Variants in LSAMP observed in about 807,000 individuals in gnomAD.
The protein encoded by LSAMP is limbic system-associated membrane protein.
LSAMP carries 7 observed loss-of-function variants against 38.6 expected under a neutral mutation model. That is an observed-to-expected ratio of 0.18 (90% CI 0.10 to 0.34). The LOEUF is 0.34. Ranked by LOEUF, LSAMP falls within the 10% of genes least tolerant of loss-of-function variation. The pLI is 1.00. For missense variants in LSAMP, 313 were observed against 420.0 expected, an observed-to-expected ratio of 0.75 and a Z score of 2.23; for synonymous variants, 154 against 166.8, an observed-to-expected ratio of 0.92 and a Z score of 0.59.
At chr3:116,311,974 G>A (rs902101219) in intron 1 of LSAMP, among the ~76,000 whole-genome samples, 4 of 152,142 alleles carry the variant, frequency 2.6e-5, no homozygotes, top group Non-Finnish European at 5.9e-5. Flanking sequence ...AGAAAATAGT[G>A]ACAAGTCAAT....
intron 3 of LSAMP, among the ~76,000 whole-genome samples, chr3:115,964,660 A>AT (rs1938739473): frequency 6.6e-6 from 1 of 152,150 alleles, no homozygotes; most frequent in African/African-American, 2.4e-5. Flanking sequence ...AATTCCATAC[A>AT]TTTTTGGGAT....
At chr3:116,413,876 T>C (rs1298743312) in intron 1 of LSAMP, among the ~76,000 whole-genome samples, 1 of 148,114 alleles carries the variant, frequency 6.8e-6, no homozygotes, top group Non-Finnish European at 1.5e-5. Flanking sequence ...TTGAAAACAG[T>C]CACCTGGTAG....
chr3:116,033,084 T>C (rs1940965018), intron 2 of LSAMP, among the ~76,000 whole-genome samples: 1 of 152,202 alleles, frequency 6.6e-6, no homozygotes, highest in Non-Finnish European at 1.5e-5. Flanking sequence ...TTTTTCTAAA[T>C]AATGGTGATA....
chr3:116,204,048 C>T (rs1160022383), intron 1 of LSAMP, among the ~76,000 whole-genome samples: 3 of 151,572 alleles, frequency 2.0e-5, no homozygotes, highest in Non-Finnish European at 4.4e-5. Context: ...TTCTCCACAT[C>T]CTCTCCACCA....
chr3:115,811,540 C>T (rs1307551520), intron 6 of LSAMP, among the ~76,000 whole-genome samples: 4 of 149,822 alleles, frequency 2.7e-5, no homozygotes, highest in South Asian at 2.1e-4. Flanking sequence ...TTTGAGAGTG[C>T]GTATGCAGAT....
intron 1 of LSAMP, among the ~76,000 whole-genome samples, chr3:116,273,813 T>TCTC (rs1366882405): frequency 0.01 from 1,411 of 136,790 alleles, 16 homozygotes; most frequent in Non-Finnish European, 0.013. Flanking sequence ...TTTTCTTTCT[T>TCTC]TCTCTCTCTC....
chr3:116,105,863 G>T (rs1224741741), intron 1 of LSAMP, among the ~76,000 whole-genome samples: 2 of 151,992 alleles, frequency 1.3e-5, no homozygotes, highest in East Asian at 3.9e-4. Flanking sequence ...AAAAATTTTT[G>T]GGGGGTGGTA....
intron 6 of LSAMP, among the ~76,000 whole-genome samples, chr3:115,825,436 A>T (rs1416198280): frequency 6.6e-6 from 1 of 152,216 alleles, no homozygotes; most frequent in Non-Finnish European, 1.5e-5. Context: ...GAAAATACTG[A>T]TGGCTCCTTA....
At chr3:115,910,120 T>G (rs1368701156) in intron 3 of LSAMP, among the ~76,000 whole-genome samples, 1 of 152,170 alleles carries the variant, frequency 6.6e-6, no homozygotes, top group African/African-American at 2.4e-5. Flanking sequence ...TATTCCCAGT[T>G]TAAAGTGGAA....
chr3:116,224,450 T>G (rs1403060302), intron 1 of LSAMP, among the ~76,000 whole-genome samples: 1 of 152,194 alleles, frequency 6.6e-6, no homozygotes, highest in Non-Finnish European at 1.5e-5. Context: ...TTCAACTCAC[T>G]GGCAGATTGC....
chr3:116,310,253 T>C (rs1194877709), intron 1 of LSAMP, among the ~76,000 whole-genome samples: 1 of 152,132 alleles, frequency 6.6e-6, no homozygotes, highest in African/African-American at 2.4e-5. Context: ...TTCAAGGCAG[T>C]TTTTGCTCAT....
intron 1 of LSAMP, among the ~76,000 whole-genome samples, chr3:116,403,251 T>C (rs1480299755): frequency 1.3e-5 from 2 of 152,196 alleles, no homozygotes; most frequent in Non-Finnish European, 2.9e-5. Context: ...TTCTGAGACT[T>C]TTCTACGTGG....
In LSAMP at chr3:116,094,096, A is replaced by G. The variant is rs1448153854; in HGVS notation, c.156-7540T>C. Among the ~76,000 whole-genome samples the G allele has an allele frequency of 3.3e-5, 5 of 152,334 alleles. No homozygotes were observed. The South Asian group carries it at 1.0e-3, about 32-fold the overall frequency. The stretch of plus-strand genomic sequence containing the variant: ...AATGAATTCCAACAACTATGCAAAC[A>G]CATCAAAAAAATAAATACCAAGTTA... On this transcript the variant is annotated intron_variant, in intron 1 of 6. Transcript: ENST00000490035.
chr3:116,197,259 G>C (rs1480344436), intron 1 of LSAMP, among the ~76,000 whole-genome samples: 1 of 152,100 alleles, frequency 6.6e-6, no homozygotes, highest in African/African-American at 2.4e-5. Context: ...GTTTAGGAGA[G>C]AGACAAGAAC....
At chr3:116,339,207 C>T (rs1428077521) in intron 1 of LSAMP, among the ~76,000 whole-genome samples, 8 of 151,806 alleles carry the variant, frequency 5.3e-5, no homozygotes, top group African/African-American at 1.7e-4. Flanking sequence ...AAACTTGGTG[C>T]GTAGGTCAGG....
intron 1 of LSAMP, among the ~76,000 whole-genome samples, chr3:116,247,533 T>C (rs1011012151): frequency 1.3e-5 from 2 of 152,190 alleles, no homozygotes; most frequent in Non-Finnish European, 2.9e-5. Context: ...AGAAGAATAA[T>C]ATTATGGAGA....
intron 2 of LSAMP, among the ~76,000 whole-genome samples, chr3:116,055,960 T>C (rs375847976): frequency 1.1e-4 from 17 of 148,656 alleles, no homozygotes; most frequent in African/African-American, 3.7e-4. Context: ...AAAGGATCCC[T>C]GCTTTTTTTT....
chr3:116,195,818 T>C (rs1710870457), intron 1 of LSAMP, among the ~76,000 whole-genome samples: 1 of 152,160 alleles, frequency 6.6e-6, no homozygotes, highest in African/African-American at 2.4e-5. Flanking sequence ...AGGTTCTTAC[T>C]AACAATATTA....
At chr3:115,977,948 C>A (rs756093214) in intron 3 of LSAMP, among the ~76,000 whole-genome samples, 2 of 151,900 alleles carry the variant, frequency 1.3e-5, no homozygotes, top group Non-Finnish European at 2.9e-5. Flanking sequence ...TTATGACAAA[C>A]CCCATAGTCT....
Sources: allele counts gnomAD v4.1 joint callset (sites outside exome capture counted in the v4.1 genomes callset), GRCh38; gene constraint gnomAD v4.1.1; transcripts MANE v1.5; gene names NCBI Gene and HGNC (gene_info 2026-07-23, HGNC 2026-07-21).